TREML2: variants seen among roughly 807,000 people sequenced by gnomAD.
TREML2 encodes trem-like transcript 2 protein.
Under a neutral mutation model 25.9 loss-of-function variants are expected in TREML2, and 24 were observed. The ratio of observed to expected loss-of-function variants is 0.93; its 90% CI spans 0.67 to 1.30. TREML2 has a LOEUF of 1.30. Among genes scored for constraint, TREML2 ranks in the 50% most tolerant of loss-of-function variants. The probability of loss-of-function intolerance (pLI) is 0.00; values close to 1 mark genes in which losing one functional copy is unlikely to be tolerated. For synonymous variants in TREML2, 139 were observed against 155.2 expected (o/e 0.90, Z 0.77); for missense variants, 359 against 395.6 (o/e 0.91, Z 0.78).
Position 41,192,857 on chromosome 6 carries a change from A to G in TREML2, c.830T>C (p.Leu277Pro). Residue 277 changes from leucine (L) to proline (P), a missense_variant, in exon 4 of 5, where the codon CTC (leucine) becomes CCC (proline). Transcript: ENST00000483722. ...GACCATGATCAGCATCAGCACCAGG[A>G]GGGTCAGCACCACCCCAAGCACAGT... ...YSTVLGVVLT[L>P]LVLMLIMVYG... 2 of 1,607,758 alleles carry G rather than the reference A, an allele frequency of 1.2e-6. No homozygotes were observed. Among genetic ancestry groups the G allele is most frequent in the East Asian group, 2.2e-5 (1 of 44,858 alleles).
chr6:41,192,927 C>CG, intron 3 of TREML2, 26 bp from the exon 4 acceptor site: 1 of 1,521,368 alleles, frequency 6.6e-7, no homozygotes, highest in Non-Finnish European at 8.8e-7. Context: ...AGGGTGGAAG[C>CG]GGGTGAGCAC....
In TREML2 at chr6:41,192,481, A is replaced by T. The variant is rs1273153786; in HGVS notation, c.912T>A (p.Ser304=). ...MASYSMCSDP[S]TRDPPGRPEP... The stretch of plus-strand genomic sequence containing the variant: ...CTGGTCTTCCAGGTGGGTCACGTGT[A>T]GAAGGATCGCTGCACATGCTGTAGC... Residue 304 remains serine, a synonymous_variant, in exon 5 of 5, where the codon TCT becomes TCA. Transcript: ENST00000483722. 10 of 1,613,892 alleles carry T rather than the reference A, an allele frequency of 6.2e-6. No individual in the cohort carries two copies. Among genetic ancestry groups the T allele is most frequent in the Non-Finnish European group, 8.5e-6 (10 of 1,179,964 alleles).
At chr6:41,199,000 C>A (rs1023257416) in intron 1 of TREML2, among the ~76,000 whole-genome samples, 124 of 152,310 alleles carry the variant, frequency 8.1e-4, no homozygotes, top group African/African-American at 2.9e-3. Context: ...GTAGCTGGGA[C>A]TACAGGTGCC....
In TREML2 at chr6:41,190,064, G is replaced by C. The variant is rs1297935663; in HGVS notation, c.*2363C>G. On this transcript the variant is annotated 3_prime_UTR_variant, in exon 5 of 5. Transcript: ENST00000483722. ...CCTGTGTAGTCTGTCTTATCTATGAGGCTGTGGGCATGTCTTAGGCAAGCC... is the reference window on the plus strand; with the variant it reads ...CCTGTGTAGTCTGTCTTATCTATGACGCTGTGGGCATGTCTTAGGCAAGCC... Among the ~76,000 whole-genome samples, 7 of 152,112 alleles carry C rather than the reference G, an allele frequency of 4.6e-5. No individual in the cohort carries two copies. The highest frequency in any genetic ancestry group is 7.2e-5 in the African/African-American group (3 of 41,412).
chr6:41,192,752 G>T, intron 4 of TREML2, 49 bp downstream of exon 4: 3 of 1,537,774 alleles, frequency 2.0e-6, no homozygotes, highest in Non-Finnish European at 2.7e-6. Flanking sequence ...CCTTAGTGCA[G>T]TTACCCAGAG....
intron 4 of TREML2, 97 bp downstream of exon 4, chr6:41,192,704 G>A: frequency 2.4e-6 from 3 of 1,265,460 alleles, no homozygotes; most frequent in Non-Finnish European, 1.1e-6. Context: ...CTGGACACAG[G>A]CCAAGGGCCA....
chr6:41,195,950 G>A (rs1310688880), intron 2 of TREML2, among the ~76,000 whole-genome samples: 2 of 152,314 alleles, frequency 1.3e-5, no homozygotes, highest in Non-Finnish European at 2.9e-5. Flanking sequence ...GGGGAGCTGG[G>A]CAGCCAGTAA....
intron 1 of TREML2, among the ~76,000 whole-genome samples, chr6:41,199,355 A>C (rs1766235572): frequency 6.6e-6 from 1 of 152,256 alleles, no homozygotes; most frequent in South Asian, 2.1e-4. Context: ...TTTAAATAAT[A>C]ACTCTCCTTA....
chr6:41,192,944 C>A, intron 3 of TREML2, 43 bp from the exon 4 acceptor site: 1 of 1,480,038 alleles, frequency 6.8e-7, no homozygotes, highest in Non-Finnish European at 9.0e-7. Flanking sequence ...GCACCAAGGT[C>A]CCCCATCCTA....
At position 41,197,858 on chromosome 6, in the gene TREML2, C is replaced by T. The variant is rs1450289214; in HGVS notation, c.376+251G>A. On this transcript the variant is annotated intron_variant, in intron 2 of 4. Transcript: ENST00000483722. ...AGCACAGACAGTGCCAAGTTTGAACCTTATCTCAGCCACCTGCTAGCTCTG... is the reference window on the plus strand; with the variant it reads ...AGCACAGACAGTGCCAAGTTTGAACTTTATCTCAGCCACCTGCTAGCTCTG... Among the ~76,000 whole-genome samples, 13 of 151,380 alleles carry T rather than the reference C, an allele frequency of 8.6e-5. No homozygotes were observed. The South Asian group carries it at 1.5e-3, about 17-fold the overall frequency.
chr6:41,198,359 G>A lies in TREML2; in HGVS notation c.126C>T (p.Ser42=), dbSNP rs1453416800. 3 of 1,614,198 alleles carry A rather than the reference G, an allele frequency of 1.9e-6. No homozygotes were observed. The highest frequency in any genetic ancestry group is 3.3e-5 in the Admixed American group (2 of 60,024). The change falls in exon 2 of 5, where the codon TCC becomes TCT. Residue 42 remains serine, a synonymous_variant. Transcript: ENST00000483722. The stretch of plus-strand genomic sequence containing the variant: ...CCACGCGGTTTTTGTAGCCCTTATA[G>A]GAGCACTGCACAGACAGAGTCTCCC... The part of the protein sequence containing the change: ...LEGETLSVQC[S]YKGYKNRVEG...
chr6:41,198,605 G>A (rs1432014605), intron 1 of TREML2, among the ~76,000 whole-genome samples, 176 bp from the exon 2 acceptor site: 1 of 152,182 alleles, frequency 6.6e-6, no homozygotes, highest in Non-Finnish European at 1.5e-5. Context: ...CTGAAGGGAG[G>A]TGAATGGGCC....
Position 41,194,502 on chromosome 6 carries a change from G to A in TREML2, c.708C>T (p.Ser236=), listed in dbSNP as rs897223564. ...AGAGCCCTGTGGTGGGCGATCTGGT[G>A]CTGAGGTCCCCAGACTTAGTGGAGA... ...ESISTKSGDL[S]TRSPTTGLCL... is the part of the protein sequence containing the mutation. Residue 236 remains serine (S), a synonymous_variant, in exon 3 of 5, where the codon AGC becomes AGT. Transcript: ENST00000483722. The A allele has an allele frequency of 6.2e-6, 10 of 1,613,366 alleles. No individual in the cohort carries two copies. The highest frequency in any genetic ancestry group is 8.5e-6 in the Non-Finnish European group (10 of 1,179,818).
At chr6:41,194,287 TC>T in intron 3 of TREML2, 137 bp downstream of exon 3, 1 of 716,094 alleles carries the variant, frequency 1.4e-6, no homozygotes. Context: ...TCACTTCCAG[TC>T]CCCCACCTCA....
At chr6:41,199,974 G>A (rs1766245202) in intron 1 of TREML2, among the ~76,000 whole-genome samples, 3 of 152,250 alleles carry the variant, frequency 2.0e-5, no homozygotes, top group African/African-American at 4.8e-5. Context: ...CACAGTGCAT[G>A]CTCAACTCAT....
At position 41,198,328 on chromosome 6, in the gene TREML2, T is replaced by C. The variant is rs754908330; in HGVS notation, c.157A>G (p.Lys53Glu). 6.2e-7 allele frequency: 1 copy of C among 1,614,178 alleles called. No individual in the cohort carries two copies. Among genetic ancestry groups the C allele is most frequent in the Non-Finnish European group, 8.5e-7 (1 of 1,179,992 alleles). ...YKGYKNRVEGKVWCKIRKKKC... is the reference protein window; with the variant it reads ...YKGYKNRVEGEVWCKIRKKKC... ...TTCTTCCTGATTTTGCACCAAACCT[T>C]GCCCTCCACGCGGTTTTTGTAGCCC... Residue 53 changes from lysine to glutamate, a missense_variant, in exon 2 of 5, where the codon AAG becomes GAG. Transcript: ENST00000483722.
chr6:41,194,385 C>G lies in TREML2; in HGVS notation c.785+40G>C, dbSNP rs780996699. 12 of 1,496,536 alleles carry G rather than the reference C, an allele frequency of 8.0e-6. No individual in the cohort carries two copies. In the Admixed American group the frequency reaches 2.5e-4, roughly 31 times the overall value. The allele number at this position is 1,496,536 out of a possible 1,614,324, so 92.7% of individuals were successfully genotyped here. A position where few individuals can be genotyped will look rare whatever the true frequency, so the allele number is the denominator to read the frequency against. On this transcript the variant is annotated intron_variant, in intron 3 of 4. Coordinates refer to ENST00000483722, the MANE Select transcript of TREML2 (RefSeq NM_024807.4). ...TTGCACCTCCAGGTCTGTTTGGGCA[C>G]TAAGTGCTGGTGCCACTCAACCCCA... is the stretch of plus-strand genomic sequence containing the variant.
chr6:41,198,366 T>C lies in TREML2; in HGVS notation c.119A>G (p.Gln40Arg), dbSNP rs1342180774. The C allele has an allele frequency of 2.5e-6, 4 of 1,614,098 alleles. No individual in the cohort carries two copies. The highest frequency in any genetic ancestry group is 3.4e-6 in the Non-Finnish European group (4 of 1,180,034). ...GTTTTTGTAGCCCTTATAGGAGCAC[T>C]GCACAGACAGAGTCTCCCCTTCAAG... ...RLLEGETLSV[Q>R]CSYKGYKNRV... Residue 40 changes from glutamine to arginine, a missense_variant, in exon 2 of 5, where the codon CAG becomes CGG. Transcript: ENST00000483722.
At position 41,191,595 on chromosome 6, in the gene TREML2, G is replaced by A. The variant is rs1172912814; in HGVS notation, c.*832C>T. The A allele has an allele frequency of 6.6e-6, 1 of 152,262 alleles. No individual in the cohort carries two copies. Among genetic ancestry groups the A allele is most frequent in the South Asian group, 2.1e-4 (1 of 4,834 alleles). 9.4% of individuals were successfully genotyped at this position (152,262 alleles called of 1,614,324 possible). On this transcript the variant is annotated 3_prime_UTR_variant, in exon 5 of 5. Coordinates refer to ENST00000483722, the MANE Select transcript of TREML2 (RefSeq NM_024807.4). ...GCCACCCCAGGGTATGGACTTCCTG[G>A]AGGCTGCTGGGTCCCCTGTGGGAAC...
Sources: gnomAD v4.1 joint callset for allele counts (sites outside exome capture counted in the v4.1 genomes callset) on GRCh38, gnomAD v4.1.1 for gene constraint, MANE v1.5 for transcripts, NCBI Gene and HGNC (gene_info 2026-07-23, HGNC 2026-07-21) for gene names.